Variants in XRRA1 observed in about 807,000 individuals in gnomAD.
The protein encoded by XRRA1 is X-ray radiation resistance associated 1.
In XRRA1, 69 loss-of-function variants were observed where a neutral mutation model predicts 80.2. The ratio of observed to expected loss-of-function variants is 0.86; its 90% CI spans 0.71 to 1.05. The LOEUF is 1.05. Among genes scored for constraint, XRRA1 ranks in the 50% least tolerant of loss-of-function variants. The pLI is 0.00. For synonymous variants in XRRA1, 348 were observed against 389.9 expected (o/e 0.89, Z 1.27); for missense variants, 967 against 976.4 (o/e 0.99, Z 0.13).
rs1486921736 is a variant in XRRA1 at position 74,843,330 on chromosome 11, G to A, written c.2273C>T (p.Thr758Ile). The A allele has an allele frequency of 1.9e-6, 3 of 1,608,720 alleles. No homozygotes were observed. ...GGGGAGCGGGGTAGTCCCGAACACTGTGCGCAGAGAGCCACTCACCAGCTG... is the reference window on the plus strand; with the variant it reads ...GGGGAGCGGGGTAGTCCCGAACACTATGCGCAGAGAGCCACTCACCAGCTG... ...YRQLVSGSLR[T>I]VFGTTPLPMA... Residue 758 changes from threonine to isoleucine, a missense_variant, in exon 19 of 19, where the codon ACA becomes ATA. By Grantham distance (89) the Thr-to-Ile change is moderately conservative (BLOSUM62 -1). Transcript: ENST00000684022.
Position 74,843,436 on chromosome 11 carries a change from A to G in XRRA1, c.2167T>C (p.Trp723Arg). 1.9e-6 allele frequency: 3 copies of G among 1,612,404 alleles called. No homozygotes were observed. Among genetic ancestry groups the G allele is most frequent in the South Asian group, 1.1e-5 (1 of 90,534 alleles). The change falls in exon 19 of 19, where the codon TGG (tryptophan) becomes CGG (arginine). Residue 723 changes from tryptophan (W) to arginine (R), a missense_variant. Physicochemically the swap from Trp to Arg is moderately radical, Grantham distance 101. Coordinates refer to ENST00000684022, the MANE Select transcript of XRRA1 (RefSeq NM_001378157.1). ...TGGTTCACCAGCCGCCGTTCTGTCCACTGGTGCAGGACAGCACCTGCAGGA... is the reference window on the plus strand; with the variant it reads ...TGGTTCACCAGCCGCCGTTCTGTCCGCTGGTGCAGGACAGCACCTGCAGGA... ...EAPLGAVLHQWTERRLVNHKQ... is the reference protein window; with the variant it reads ...EAPLGAVLHQRTERRLVNHKQ...
At chr11:74,877,019 T>A (rs1316253560) in intron 10 of XRRA1, 1 of 152,232 alleles carries the variant, frequency 6.6e-6, no homozygotes, top group African/African-American at 2.4e-5. Flanking sequence ...TACACCACCC[T>A]TGTGTAAATT....
rs538184650 is a variant in XRRA1, at chr11:74,854,336, TAGG to T, written c.1171-2257_1171-2255del. On this transcript the variant is annotated intron_variant, in intron 12 of 18. Transcript: ENST00000684022. ...GGAGTGAGAGGAAAGAAACTAGGAG[TAGG>T]CCTTGAGGGACTTTAACATTTGATC... Among the ~76,000 whole-genome samples the T allele has an allele frequency of 3.4e-4, 51 of 152,054 alleles. 1 individual carries two copies. The highest frequency in any genetic ancestry group is 4.4e-4 in the Non-Finnish European group (30 of 67,976).
intron 8 of XRRA1, among the ~76,000 whole-genome samples, chr11:74,914,362 TAGTTTTG>T (rs1937797863): frequency 6.6e-6 from 1 of 152,222 alleles, no homozygotes; most frequent in African/African-American, 2.4e-5. Flanking sequence ...ACAAGGCTGC[TAGTTTTG>T]AGTGAGGTCC....
chr11:74,866,507 C>T (rs1244505818), intron 10 of XRRA1, among the ~76,000 whole-genome samples: 2 of 152,124 alleles, frequency 1.3e-5, no homozygotes, highest in South Asian at 2.1e-4. Flanking sequence ...CTTCCTACTT[C>T]AGCCTCCCAA....
Position 74,843,888 on chromosome 11 carries a change from C to A in XRRA1, c.2115G>T (p.Leu705Phe), listed in dbSNP as rs199764887. ...CCTCTGTAATGTTCCGGGGATCCCG[C>A]AAGCGAATGAAGATGTCATCCAGAA... ...AQLLDDIFIR[L>F]RDPRNITEAP... is the part of the protein sequence containing the mutation. Residue 705 changes from leucine (L) to phenylalanine (F), a missense_variant, in exon 18 of 19, where the codon TTG becomes TTT. Leu to Phe is a conservative substitution (Grantham distance 22). Coordinates refer to ENST00000684022, the MANE Select transcript of XRRA1 (RefSeq NM_001378157.1). 6.2e-5 allele frequency: 100 copies of A among 1,612,818 alleles called. No individual in the cohort carries two copies. The African/African-American group carries it at 1.2e-3, about 20-fold the overall frequency.
intron 14 of XRRA1, among the ~76,000 whole-genome samples, chr11:74,849,649 C>T (rs527242356): frequency 7.2e-5 from 11 of 152,278 alleles, no homozygotes; most frequent in East Asian, 1.9e-4. Context: ...TCTATCCCAC[C>T]GCTACTTTCC....
At chr11:74,942,757 GT>G (rs1361530548) in intron 2 of XRRA1, among the ~76,000 whole-genome samples, 33 of 152,232 alleles carry the variant, frequency 2.2e-4, no homozygotes, top group Non-Finnish European at 1.3e-4. Flanking sequence ...TCATAGGGCT[GT>G]TTTGATGATT....
In XRRA1 at chr11:74,848,513, C is replaced by T. The variant is rs552341737; in HGVS notation, c.1381-51G>A. On this transcript the variant is annotated intron_variant, in intron 14 of 18. Transcript: ENST00000684022. ...ATTTGCTTCCTAATTAGGATTCTCT[C>T]CTCCTGGGCCTCACTAGCCTAAGGC... The T allele has an allele frequency of 1.7e-5, 26 of 1,496,370 alleles. No individual in the cohort carries two copies. The East Asian group carries it at 6.0e-4, about 35-fold the overall frequency. The allele number at this position is 1,496,370 out of a possible 1,614,324, so 92.7% of individuals were successfully genotyped here.
chr11:74,850,979 G>A, intron 14 of XRRA1, 109 bp downstream of exon 14: 1 of 691,798 alleles, frequency 1.4e-6, no homozygotes. Context: ...ACCTAATGGA[G>A]AGATTCCAGG....
chr11:74,880,343 G>A (rs1178898574), intron 10 of XRRA1, among the ~76,000 whole-genome samples: 3 of 152,028 alleles, frequency 2.0e-5, no homozygotes, highest in Non-Finnish European at 4.4e-5. Flanking sequence ...GCATCTATTC[G>A]ATTCTTCTTT....
At position 74,894,369 on chromosome 11, in the gene XRRA1, A is replaced by G. The variant is rs144876919; in HGVS notation, c.1003+11870T>C. On this transcript the variant is annotated intron_variant, in intron 10 of 18. Transcript: ENST00000684022. ...TACATCAAACCCCCCATGACATGCA[A>G]TTTACCTATATAATGAACTTGTACA... is the stretch of plus-strand genomic sequence containing the variant. Among the ~76,000 whole-genome samples, 7 of 152,222 alleles carry G rather than the reference A, an allele frequency of 4.6e-5. No individual in the cohort carries two copies. In the East Asian group the frequency reaches 9.6e-4, roughly 21 times the overall value.
chr11:74,853,388 A>G (rs930926526), intron 12 of XRRA1, among the ~76,000 whole-genome samples: 15 of 152,222 alleles, frequency 9.9e-5, no homozygotes, highest in African/African-American at 3.6e-4. Context: ...AGGCAGCTAC[A>G]TGTGGTCACA....
At chr11:74,852,773 C>T (rs2040189840) in intron 12 of XRRA1, among the ~76,000 whole-genome samples, 1 of 152,196 alleles carries the variant, frequency 6.6e-6, no homozygotes, top group African/African-American at 2.4e-5. Flanking sequence ...CCTGGAAAAG[C>T]TGGACCATCT....
chr11:74,888,386 A>AGAAAG (rs1448122413), intron 10 of XRRA1, among the ~76,000 whole-genome samples: 3 of 152,214 alleles, frequency 2.0e-5, no homozygotes, highest in Non-Finnish European at 4.4e-5. Context: ...GAAAACTAAC[A>AGAAAG]GAAAGGACAT....
At position 74,843,139 on chromosome 11, in the gene XRRA1, A is replaced by G; in HGVS notation, c.*61T>C. ...AACCTTGAGGTGCGGTCCAGGGCAC[A>G]GAGCCCTCGGGGAGAGCTGGGGCAC... On this transcript the variant is annotated 3_prime_UTR_variant, in exon 19 of 19. Coordinates refer to ENST00000684022, the MANE Select transcript of XRRA1 (RefSeq NM_001378157.1). 6.7e-7 allele frequency: 1 copy of G among 1,498,024 alleles called. No individual in the cohort carries two copies. Among genetic ancestry groups the G allele is most frequent in the South Asian group, 1.3e-5 (1 of 76,230 alleles). 92.8% of individuals were successfully genotyped at this position (1,498,024 alleles called of 1,614,324 possible).
At chr11:74,882,356 T>TC (rs1435751197) in intron 10 of XRRA1, among the ~76,000 whole-genome samples, 1 of 150,294 alleles carries the variant, frequency 6.7e-6, no homozygotes, top group Non-Finnish European at 1.5e-5. Flanking sequence ...GGTTTTCAGC[T>TC]CCATCAGCTC....
intron 6 of XRRA1, among the ~76,000 whole-genome samples, chr11:74,927,944 A>C (rs1262896951): frequency 6.6e-6 from 1 of 152,196 alleles, no homozygotes; most frequent in Non-Finnish European, 1.5e-5. Context: ...ATCAAAATAC[A>C]TACCTCTTTT....
Position 74,933,838 on chromosome 11 carries a change from A to G in XRRA1, c.314T>C (p.Leu105Pro). ...CAGGCCACTCACATTAATGGTGCAC[A>G]GATCTGATGGCTTCCTCACACAGTG... ...KHHCVRKPSDLCTINVSGLKF... is the reference protein window; with the variant it reads ...KHHCVRKPSDPCTINVSGLKF... Residue 105 changes from leucine (L) to proline (P), a missense_variant, in exon 5 of 19, where the codon CTG becomes CCG. Leu to Pro is a moderately conservative substitution (Grantham distance 98). Transcript: ENST00000684022. The G allele has an allele frequency of 6.2e-7, 1 of 1,604,064 alleles. No individual in the cohort carries two copies. The highest frequency in any genetic ancestry group is 1.1e-5 in the South Asian group (1 of 88,436).
Sources: allele counts gnomAD v4.1 joint callset (sites outside exome capture counted in the v4.1 genomes callset), GRCh38; gene constraint gnomAD v4.1.1; transcripts MANE v1.5; gene names NCBI Gene and HGNC (gene_info 2026-07-23, HGNC 2026-07-21).